The following NOL11 variants were observed in gnomAD, a reference collection of about 807,000 sequenced individuals.
NOL11 encodes nucleolar protein 11.
Under a neutral mutation model 93.0 loss-of-function variants are expected in NOL11, and 42 were observed. That is an observed-to-expected ratio of 0.45 (90% CI 0.35 to 0.58). The LOEUF is 0.58. Ranked by LOEUF, NOL11 falls within the 20% of genes least tolerant of loss-of-function variation. The pLI, the probability that NOL11 is intolerant of heterozygous loss-of-function variation, is 0.00. For synonymous variants in NOL11, 296 were observed against 293.7 expected, an observed-to-expected ratio of 1.01 and a Z score of -0.08; for missense variants, 775 against 841.8, an observed-to-expected ratio of 0.92 and a Z score of 0.98.
chr17:67,722,718 C>T (rs1599035371), intron 5 of NOL11, 81 bp downstream of exon 5: 1 of 1,478,318 alleles, frequency 6.8e-7, no homozygotes. Context: ...AGGGTGTTGC[C>T]CTGTCACCCA....
At chr17:67,729,869 G>A (rs1240551742) in intron 7 of NOL11, among the ~76,000 whole-genome samples, 2 of 152,130 alleles carry the variant, frequency 1.3e-5, no homozygotes, top group South Asian at 2.1e-4. Context: ...GTGAGCCACC[G>A]CGCCCGGCCC....
In NOL11 at chr17:67,719,933, G is replaced by A. The variant is rs773706586; in HGVS notation, c.283G>A (p.Val95Ile). Residue 95 changes from valine to isoleucine, a missense_variant, in exon 3 of 18, where the codon GTA becomes ATA. Val to Ile is a conservative substitution (Grantham distance 29). Around this residue, in one of 2 missense-constraint regions of NOL11, gnomAD observed 359 missense variants for 316.5 expected, o/e 1.13. Coordinates refer to ENST00000253247, the MANE Select transcript of NOL11 (RefSeq NM_015462.5). Reference protein sequence around the residue: ...KVLRIWNNEDVNLDKVFKATL... With the variant: ...KVLRIWNNEDINLDKVFKATL... ...TTTAAGAATATGGAATAATGAAGAT[G>A]TAAACCTGGATAAAGTATTTAAAGC... is the stretch of plus-strand genomic sequence containing the variant. 1.3e-6 allele frequency: 2 copies of A among 1,574,788 alleles called. No homozygotes were observed. Among genetic ancestry groups the A allele is most frequent in the South Asian group, 2.3e-5 (2 of 85,958 alleles).
chr17:67,737,857 G>A lies in NOL11; in HGVS notation c.1414G>A (p.Asp472Asn), dbSNP rs1041219889. Reference sequence around the variant, plus strand: ...ATTTTTTTGTCTTAGTTTGTGCCCCGACTTAATGGAGATTGCCTTAAAAAA... The same window carrying A: ...ATTTTTTTGTCTTAGTTTGTGCCCCAACTTAATGGAGATTGCCTTAAAAAA... ...THVLSYSLCP[D>N]LMEIALKKKD... The change falls in exon 13 of 18, where the codon GAC becomes AAC. Residue 472 changes from aspartate to asparagine, a missense_variant. By Grantham distance (23) the Asp-to-Asn change is conservative (BLOSUM62 1). Transcript: ENST00000253247. 1.9e-5 allele frequency: 31 copies of A among 1,611,510 alleles called. No homozygotes were observed. The Admixed American group carries it at 2.2e-4, about 11-fold the overall frequency.
intron 7 of NOL11, among the ~76,000 whole-genome samples, chr17:67,728,138 C>T (rs1348106723): frequency 2.6e-5 from 4 of 151,832 alleles, no homozygotes; most frequent in Non-Finnish European, 5.9e-5. Flanking sequence ...TGGGCACCTG[C>T]AGTCCCAGCT....
At chr17:67,718,915 A>G (rs1019334859) in intron 1 of NOL11, among the ~76,000 whole-genome samples, 1 of 152,236 alleles carries the variant, frequency 6.6e-6, no homozygotes, top group Non-Finnish European at 1.5e-5. Flanking sequence ...TAGGAATACA[A>G]TGGCAGATTG....
At chr17:67,725,608 G>A (rs1428001527) in intron 6 of NOL11, among the ~76,000 whole-genome samples, 1 of 152,150 alleles carries the variant, frequency 6.6e-6, no homozygotes, top group Non-Finnish European at 1.5e-5. Context: ...TTCATATCTT[G>A]GGGGCTATTG....
intron 6 of NOL11, among the ~76,000 whole-genome samples, chr17:67,726,172 G>A (rs1340570925): frequency 6.6e-6 from 1 of 152,184 alleles, no homozygotes; most frequent in Non-Finnish European, 1.5e-5. Flanking sequence ...GGGACTAGAT[G>A]ATCTATATTC....
chr17:67,741,187 A>G (rs968970372), intron 16 of NOL11, among the ~76,000 whole-genome samples: 1 of 152,136 alleles, frequency 6.6e-6, no homozygotes, highest in African/African-American at 2.4e-5. Context: ...CTCCTGCCTC[A>G]GCCTCCTGAG....
Position 67,734,421 on chromosome 17 carries a change from A to T in NOL11, c.912A>T (p.Pro304=), listed in dbSNP as rs747574471. Residue 304 remains proline, a synonymous_variant, in exon 8 of 18, where the codon CCA becomes CCT. Transcript: ENST00000253247. ...FQTLQTSKEL[P]QGTSGQLWYY... The stretch of plus-strand genomic sequence containing the variant: ...CACTACAGACTTCAAAAGAGTTACC[A>T]CAAGGGACCAGTGGTCAAGTAAGTT... 7 of 1,604,350 alleles carry T rather than the reference A, an allele frequency of 4.4e-6. No individual in the cohort carries two copies. The Admixed American group carries it at 1.0e-4, about 23-fold the overall frequency.
intron 5 of NOL11, 65 bp from the exon 6 acceptor site, chr17:67,723,984 T>C (rs1441492651): frequency 8.4e-6 from 10 of 1,194,888 alleles, no homozygotes; most frequent in Non-Finnish European, 1.0e-5. Context: ...ACTTCTGGTT[T>C]TAACATATGT....
chr17:67,736,035 C>T lies in NOL11; in HGVS notation c.1054+12C>T, dbSNP rs756556032. On this transcript the variant is annotated intron_variant, in intron 9 of 17. Coordinates refer to ENST00000253247, the MANE Select transcript of NOL11 (RefSeq NM_015462.5). ...TAGTCAAGATCCAGGTAGAAACTTACTTCTGTTTGTTTTATTAATACAAAC... is the reference window on the plus strand; with the variant it reads ...TAGTCAAGATCCAGGTAGAAACTTATTTCTGTTTGTTTTATTAATACAAAC... 3 of 1,600,018 alleles carry T rather than the reference C, an allele frequency of 1.9e-6. No homozygotes were observed. The highest frequency in any genetic ancestry group is 1.4e-5 in the African/African-American group (1 of 73,982).
At chr17:67,725,438 C>T (rs1006096604) in intron 6 of NOL11, among the ~76,000 whole-genome samples, 4 of 152,170 alleles carry the variant, frequency 2.6e-5, no homozygotes, top group African/African-American at 9.7e-5. Flanking sequence ...CCCCTCCACC[C>T]TTCATGGCTG....
intron 7 of NOL11, among the ~76,000 whole-genome samples, chr17:67,727,711 C>T (rs2055109598): frequency 2.0e-5 from 3 of 151,984 alleles, no homozygotes; most frequent in African/African-American, 7.2e-5. Flanking sequence ...CGCCTGTAAT[C>T]CCAGCACCTG....
intron 6 of NOL11, among the ~76,000 whole-genome samples, chr17:67,725,712 C>A (rs1463112868): frequency 6.6e-6 from 1 of 152,150 alleles, no homozygotes; most frequent in Non-Finnish European, 1.5e-5. Context: ...GCTAGAACCA[C>A]ATGAAACTGC....
intron 7 of NOL11, among the ~76,000 whole-genome samples, chr17:67,728,031 C>T (rs1384695622): frequency 5.3e-5 from 8 of 151,808 alleles, no homozygotes; most frequent in East Asian, 1.9e-4. Context: ...GAGGCCAAGA[C>T]GGGCTGATCA....
chr17:67,733,012 G>A (rs372002533), intron 7 of NOL11, among the ~76,000 whole-genome samples: 118 of 151,956 alleles, frequency 7.8e-4, no homozygotes, highest in African/African-American at 2.5e-3. Flanking sequence ...TGGATTCTTC[G>A]AGATCTCTAT....
At chr17:67,724,892 A>G (rs1036664929) in intron 6 of NOL11, among the ~76,000 whole-genome samples, 1 of 152,050 alleles carries the variant, frequency 6.6e-6, no homozygotes, top group Non-Finnish European at 1.5e-5. Flanking sequence ...CCCCGTCTCT[A>G]CTAAAAATAC....
chr17:67,729,830 C>T (rs925350504), intron 7 of NOL11, among the ~76,000 whole-genome samples: 6 of 151,444 alleles, frequency 4.0e-5, no homozygotes, highest in African/African-American at 1.5e-4. Flanking sequence ...CCGCCCACCT[C>T]GGCCTCCCAA....
chr17:67,734,515 G>T, intron 8 of NOL11, 76 bp downstream of exon 8: 2 of 880,926 alleles, frequency 2.3e-6, no homozygotes, highest in Non-Finnish European at 3.7e-6. Flanking sequence ...TTTGAGATGG[G>T]GCCTCACTCT....
Sources: gnomAD v4.1 joint callset for allele counts (sites outside exome capture counted in the v4.1 genomes callset) on GRCh38, gnomAD v4.1.1 for gene constraint, gnomAD v4.1.1 regional missense constraint, MANE v1.5 for transcripts, NCBI Gene and HGNC (gene_info 2026-07-23, HGNC 2026-07-21) for gene names.